NCOA7: variants seen among roughly 807,000 people sequenced by gnomAD.
NCOA7 encodes nuclear receptor coactivator 7, also known as 140 kDa estrogen receptor-associated protein.
Under a neutral mutation model 104.3 loss-of-function variants are expected in NCOA7, and 45 were observed. The ratio of observed to expected loss-of-function variants is 0.43; its 90% CI spans 0.34 to 0.55. The LOEUF (loss-of-function observed/expected upper bound fraction) is 0.55, where lower values mean the gene tolerates loss of function less well. NCOA7 is among the 20% of genes least tolerant of loss of function. NCOA7 has a pLI of 0.02. For synonymous variants in NCOA7, 398 were observed against 402.3 expected (o/e 0.99, Z 0.13); for missense variants, 1,041 against 1,119.7 (o/e 0.93, Z 1.00).
intron 12 of NCOA7, among the ~76,000 whole-genome samples, chr6:125,921,824 G>T (rs913060550): frequency 6.6e-6 from 1 of 152,002 alleles, no homozygotes; most frequent in African/African-American, 2.4e-5. Flanking sequence ...CTTTTTCTAT[G>T]ATTTTCTTTG....
intron 10 of NCOA7, among the ~76,000 whole-genome samples, chr6:125,907,970 T>C (rs150778516): frequency 3.7e-4 from 56 of 152,300 alleles, no homozygotes; most frequent in African/African-American, 1.2e-3. Context: ...TGCTTTTTCC[T>C]TTTCTCTAGA....
intron 1 of NCOA7, among the ~76,000 whole-genome samples, chr6:125,793,166 G>A (rs1334901789): frequency 1.3e-5 from 2 of 152,142 alleles, no homozygotes; most frequent in Non-Finnish European, 2.9e-5. Flanking sequence ...AAATTAATTT[G>A]TTATGATTTA....
At chr6:125,798,125 A>G (rs901017180) in intron 1 of NCOA7, 3 of 152,204 alleles carry the variant, frequency 2.0e-5, no homozygotes, top group Admixed American at 6.5e-5. Context: ...AGTTTGCCTC[A>G]TGGTCTCTCT....
chr6:125,919,684 CAG>C lies in NCOA7; in HGVS notation c.2245-1256_2245-1255del, dbSNP rs567988753. Among the ~76,000 whole-genome samples, 5 of 152,142 alleles carry C rather than the reference CAG, an allele frequency of 3.3e-5. No individual in the cohort carries two copies. In the East Asian group the frequency reaches 7.7e-4, roughly 23 times the overall value. On this transcript the variant is annotated intron_variant, in intron 11 of 15. Coordinates refer to ENST00000392477, the MANE Select transcript of NCOA7 (RefSeq NM_181782.5). ...TGATAAACACAGAGTTTGCTGAAAA[CAG>C]AGTGTTTTATTTCATTCATTTAAAA... is the stretch of plus-strand genomic sequence containing the variant.
chr6:125,842,266 A>G (rs1011027265), intron 2 of NCOA7, among the ~76,000 whole-genome samples: 13 of 152,196 alleles, frequency 8.5e-5, no homozygotes, highest in African/African-American at 3.1e-4. Context: ...AGTTAACGGG[A>G]AAGTCAGTTA....
At chr6:125,867,942 G>C (rs192396795) in intron 3 of NCOA7, among the ~76,000 whole-genome samples, 2 of 152,158 alleles carry the variant, frequency 1.3e-5, no homozygotes, top group Non-Finnish European at 2.9e-5. Context: ...TAATAAGCCC[G>C]CTTCTATAGA....
chr6:125,888,376 T>C (rs1334261751), intron 8 of NCOA7, among the ~76,000 whole-genome samples: 3 of 152,204 alleles, frequency 2.0e-5, no homozygotes, highest in Non-Finnish European at 2.9e-5. Context: ...GAGGGCTGTC[T>C]ATGATTAGAA....
chr6:125,852,997 A>T (rs1247242388), intron 2 of NCOA7, among the ~76,000 whole-genome samples: 1 of 152,192 alleles, frequency 6.6e-6, no homozygotes, highest in Admixed American at 6.5e-5. Flanking sequence ...AATTGCATTG[A>T]ATCTGTCGAT....
At chr6:125,802,548 C>T (rs1056344775) in intron 1 of NCOA7, 1 of 152,192 alleles carries the variant, frequency 6.6e-6, no homozygotes, top group Non-Finnish European at 1.5e-5. Flanking sequence ...GACTGTTAAT[C>T]CTCACAGTCT....
chr6:125,915,442 G>A lies in NCOA7; in HGVS notation c.2206G>A (p.Asp736Asn), dbSNP rs1786983580. 1 of 1,613,862 alleles carries A rather than the reference G, an allele frequency of 6.2e-7. No homozygotes were observed. Among genetic ancestry groups the A allele is most frequent in the East Asian group, 2.2e-5 (1 of 44,880 alleles). Reference protein sequence around the residue: ...VVEKEELNMIDNFFSEPTTKS... With the variant: ...VVEKEELNMINNFFSEPTTKS... Reference sequence around the variant, plus strand: ...GGAGAAGGAAGAACTGAACATGATTGACAACTTCTTCAGTGAGCCAACAAC... The same window carrying A: ...GGAGAAGGAAGAACTGAACATGATTAACAACTTCTTCAGTGAGCCAACAAC... The change falls in exon 11 of 16, where the codon GAC becomes AAC. Residue 736 changes from aspartate to asparagine, a missense_variant. Transcript: ENST00000392477.
chr6:125,836,368 T>C (rs1169037320), intron 2 of NCOA7, among the ~76,000 whole-genome samples: 1 of 152,236 alleles, frequency 6.6e-6, no homozygotes. Flanking sequence ...AGGGACCCTT[T>C]GATGTAGATG....
intron 10 of NCOA7, among the ~76,000 whole-genome samples, chr6:125,893,507 C>T (rs537939277): frequency 6.6e-6 from 1 of 152,168 alleles, no homozygotes; most frequent in African/African-American, 2.4e-5. Flanking sequence ...TACCAAATCT[C>T]TCCTTCTTTA....
At chr6:125,905,782 A>T (rs1266020049) in intron 10 of NCOA7, among the ~76,000 whole-genome samples, 3 of 151,964 alleles carry the variant, frequency 2.0e-5, no homozygotes, top group Non-Finnish European at 4.4e-5. Context: ...ACCCTTTTTT[A>T]AAATTATTTA....
chr6:125,837,372 TAAG>T (rs1779700777), intron 2 of NCOA7, among the ~76,000 whole-genome samples: 1 of 152,110 alleles, frequency 6.6e-6, no homozygotes, highest in South Asian at 2.1e-4. Context: ...TTCAAAGAAA[TAAG>T]TATATCAGAG....
At chr6:125,790,681 G>A (rs1208484340), upstream of NCOA7, 4 of 152,078 alleles carry the variant, frequency 2.6e-5, no homozygotes, top group African/African-American at 4.8e-5. Context: ...TGGCCGGGAG[G>A]AGCTAGAGGC....
At chr6:125,783,466 TTCCCTCCTCTCC>T (rs1774316914) in intron 1 of NCOA7, among the ~76,000 whole-genome samples, 1 of 152,214 alleles carries the variant, frequency 6.6e-6, no homozygotes, top group Non-Finnish European at 1.5e-5. Flanking sequence ...GAAAAGAACT[TTCCCTCCTCTCC>T]TCCCTCTTTG....
chr6:125,871,516 T>C (rs770653397), intron 3 of NCOA7, among the ~76,000 whole-genome samples: 40 of 152,248 alleles, frequency 2.6e-4, no homozygotes, highest in Non-Finnish European at 5.4e-4. Flanking sequence ...TATAATGATA[T>C]AAAGACAATT....
At chr6:125,908,177 C>G (rs1202717853) in intron 10 of NCOA7, among the ~76,000 whole-genome samples, 1 of 152,194 alleles carries the variant, frequency 6.6e-6, no homozygotes, top group Non-Finnish European at 1.5e-5. Flanking sequence ...GATTCCTGTC[C>G]TAGGCTGAGA....
intron 2 of NCOA7, among the ~76,000 whole-genome samples, chr6:125,829,000 A>G (rs1583315026): frequency 6.6e-6 from 1 of 152,164 alleles, no homozygotes; most frequent in Non-Finnish European, 1.5e-5. Flanking sequence ...TGCTACCTCC[A>G]TAGTGCCCTT....
Sources: allele counts gnomAD v4.1 joint callset (sites outside exome capture counted in the v4.1 genomes callset), GRCh38; gene constraint gnomAD v4.1.1; transcripts MANE v1.5; gene names NCBI Gene and HGNC (gene_info 2026-07-23, HGNC 2026-07-21).